Variants in PDE3B observed in about 807,000 individuals in gnomAD.
PDE3B encodes the protein cGMP-inhibited 3',5'-cyclic phosphodiesterase 3B.
A neutral mutation model predicts 116.8 loss-of-function variants in PDE3B; 66 were observed. The observed-to-expected ratio is 0.56, with a 90% CI of 0.46 to 0.69. PDE3B has a LOEUF of 0.69. Ranked by LOEUF, PDE3B falls within the 30% of genes least tolerant of loss-of-function variation. The probability of loss-of-function intolerance (pLI) is 0.00; values close to 1 mark genes in which losing one functional copy is unlikely to be tolerated. For missense variants in PDE3B, 1,384 were observed against 1,368.1 expected (o/e 1.01, Z -0.18); for synonymous variants, 595 against 533.6 (o/e 1.12, Z -1.59).
At chr11:14,892,233 C>T in the PDE3B span, 4 of 1,597,312 alleles carry the variant, frequency 2.5e-6, no homozygotes, top group South Asian at 3.3e-5. Context: ...GCGAACTCCA[C>T]AGCAGCCCTG....
chr11:14,891,134 C>T, the PDE3B span: 2 of 985,472 alleles, frequency 2.0e-6, no homozygotes, highest in East Asian at 2.3e-4. Flanking sequence ...CTGCCCCCTC[C>T]GGACGTCGGG....
intron 4 of PDE3B, among the ~76,000 whole-genome samples, chr11:14,799,090 C>T (rs562089682): frequency 3.9e-5 from 6 of 152,274 alleles, no homozygotes; most frequent in South Asian, 4.1e-4. Flanking sequence ...TTTCCTTTTA[C>T]GCACTGCTTT....
intron 4 of PDE3B, among the ~76,000 whole-genome samples, chr11:14,793,600 G>GAGGTCAAAC (rs1224742547): frequency 6.6e-6 from 1 of 152,088 alleles, no homozygotes; most frequent in Non-Finnish European, 1.5e-5. Flanking sequence ...AGCCTTCTCT[G>GAGGTCAAAC]AGGTCAAACA....
chr11:14,729,479 T>C (rs1483946886), intron 1 of PDE3B, among the ~76,000 whole-genome samples: 1 of 152,246 alleles, frequency 6.6e-6, no homozygotes, highest in Admixed American at 6.5e-5. Context: ...AAATAAGTCA[T>C]ATTGTCCACT....
At chr11:14,767,476 T>G (rs1019248973) in intron 1 of PDE3B, among the ~76,000 whole-genome samples, 4 of 151,580 alleles carry the variant, frequency 2.6e-5, no homozygotes, top group Admixed American at 6.6e-5. Context: ...TTACCCTATT[T>G]TTATCAATAT....
chr11:14,897,419 C>T, the PDE3B span, among the ~76,000 whole-genome samples: 1 of 152,108 alleles, frequency 6.6e-6, no homozygotes, highest in Non-Finnish European at 1.5e-5. Context: ...AGAGAGTGAT[C>T]TGGTCTTTGT....
intron 1 of PDE3B, among the ~76,000 whole-genome samples, chr11:14,765,868 G>C (rs116171625): frequency 6.7e-6 from 1 of 150,234 alleles, no homozygotes; most frequent in Admixed American, 6.7e-5. Flanking sequence ...TTATTTACAA[G>C]ATCTACTTTG....
At chr11:14,688,710 C>A (rs1362294713) in intron 1 of PDE3B, among the ~76,000 whole-genome samples, 1 of 151,852 alleles carries the variant, frequency 6.6e-6, no homozygotes, top group African/African-American at 2.4e-5. Flanking sequence ...GAGTGTGATT[C>A]CAGATAAGTT....
chr11:14,746,450 G>A (rs1312025067), intron 1 of PDE3B, among the ~76,000 whole-genome samples: 1 of 152,078 alleles, frequency 6.6e-6, no homozygotes, highest in East Asian at 1.9e-4. Flanking sequence ...CCTTTTTCTA[G>A]GGCAGCTCAC....
intron 1 of PDE3B, 60 bp downstream of exon 1, chr11:14,645,113 T>G (rs991615479): frequency 7.8e-7 from 1 of 1,283,360 alleles, no homozygotes; most frequent in Non-Finnish European, 1.0e-6. Context: ...CCGCTGCAGT[T>G]TCCGAGTTGA....
chr11:14,814,659 T>C (rs1271741298), intron 5 of PDE3B, among the ~76,000 whole-genome samples: 1 of 152,122 alleles, frequency 6.6e-6, no homozygotes, highest in Non-Finnish European at 1.5e-5. Flanking sequence ...AACCTCTTTA[T>C]TGAAAAAAGT....
intron 1 of PDE3B, among the ~76,000 whole-genome samples, chr11:14,664,444 CA>C (rs1190354163): frequency 6.6e-6 from 1 of 151,984 alleles, no homozygotes; most frequent in African/African-American, 2.4e-5. Flanking sequence ...AATAGAGTCA[CA>C]AAAAACACTT....
the PDE3B span, among the ~76,000 whole-genome samples, chr11:14,882,676 T>C: frequency 0.05 from 7,640 of 152,288 alleles, 316 homozygotes; most frequent in Non-Finnish European, 0.079. Context: ...TTGGAAGTTC[T>C]GGCCAGGGCA....
At chr11:14,722,312 A>T (rs1030394608) in intron 1 of PDE3B, among the ~76,000 whole-genome samples, 8 of 146,036 alleles carry the variant, frequency 5.5e-5, no homozygotes, top group African/African-American at 1.9e-4. Flanking sequence ...AAGTATAATT[A>T]AAAAAAAAAG....
chr11:14,861,056 T>G (rs1375875602), intron 13 of PDE3B, 149 bp from the exon 14 acceptor site: 1 of 578,900 alleles, frequency 1.7e-6, no homozygotes, highest in Non-Finnish European at 3.0e-6. Context: ...TATTATGGAA[T>G]AAGCTGATTT....
intron 1 of PDE3B, among the ~76,000 whole-genome samples, chr11:14,692,260 C>G (rs909410282): frequency 1.3e-5 from 2 of 152,008 alleles, no homozygotes; most frequent in African/African-American, 4.8e-5. Flanking sequence ...GGTGACAAAG[C>G]AAGACCCTAT....
chr11:14,663,343 C>A (rs1300901165), intron 1 of PDE3B, among the ~76,000 whole-genome samples: 112 of 147,758 alleles, frequency 7.6e-4, no homozygotes, highest in African/African-American at 2.2e-3. Flanking sequence ...GGTACCAGCC[C>A]CTGCAAAATC....
the PDE3B span, chr11:14,890,864 G>A: frequency 6.1e-6 from 6 of 985,144 alleles, no homozygotes; most frequent in African/African-American, 1.0e-4. Context: ...ACCAATCCTT[G>A]TAAAAATTGG....
chr11:14,660,952 A>G (rs1224333441), intron 1 of PDE3B, among the ~76,000 whole-genome samples: 1 of 152,210 alleles, frequency 6.6e-6, no homozygotes, highest in East Asian at 1.9e-4. Context: ...GAGAAATGCA[A>G]ATCAAAACCA....
Sources: gnomAD v4.1 joint callset for allele counts (sites outside exome capture counted in the v4.1 genomes callset) on GRCh38, gnomAD v4.1.1 for gene constraint, MANE v1.5 for transcripts, NCBI Gene and HGNC (gene_info 2026-07-23, HGNC 2026-07-21) for gene names.